QPCT: variants seen among roughly 807,000 people sequenced by gnomAD.
QPCT encodes glutaminyl-peptide cyclotransferase.
QPCT carries 44 observed loss-of-function variants against 43.4 expected under a neutral mutation model. The observed-to-expected ratio is 1.01, with a 90% CI of 0.80 to 1.30. QPCT has a LOEUF of 1.30. QPCT is among the 50% of genes most tolerant of loss of function. QPCT has a pLI of 0.00. For synonymous variants in QPCT, 168 were observed against 168.4 expected, an observed-to-expected ratio of 1.00 and a Z score of 0.02; for missense variants, 526 against 436.5, an observed-to-expected ratio of 1.21 and a Z score of -1.83.
chr2:37,364,735 G>T (rs999450596), intron 3 of QPCT, among the ~76,000 whole-genome samples: 2 of 152,134 alleles, frequency 1.3e-5, no homozygotes, highest in Admixed American at 6.5e-5. Context: ...ATTTCCGGGG[G>T]AACCTCAGGA....
intron 2 of QPCT, 150 bp downstream of exon 2, chr2:37,353,085 T>C (rs1479411941): frequency 5.6e-6 from 5 of 887,806 alleles, no homozygotes; most frequent in Non-Finnish European, 8.3e-6. Context: ...ATCAAATGAC[T>C]GAGAGTACAT....
At chr2:37,368,547 A>T (rs941449859) in intron 4 of QPCT, 1 of 470,524 alleles carries the variant, frequency 2.1e-6, no homozygotes. Flanking sequence ...TTCGCCCTAT[A>T]AAAGTACAAA....
intron 2 of QPCT, among the ~76,000 whole-genome samples, 183 bp from the exon 3 acceptor site, chr2:37,359,397 C>A (rs193201679): frequency 8.3e-4 from 127 of 152,228 alleles, no homozygotes; most frequent in African/African-American, 3.0e-3. Flanking sequence ...TTAAACAGGA[C>A]AAATGCTATT....
At position 37,371,258 on chromosome 2, in the gene QPCT, C is replaced by G. The variant is rs535143874; in HGVS notation, c.824-1098C>G. 1.5e-3 allele frequency among the ~76,000 whole-genome samples: 224 copies of G among 151,698 alleles called. 2 individuals are homozygous for G. Among genetic ancestry groups the G allele is most frequent in the African/African-American group, 5.2e-3 (214 of 41,376 alleles). On this transcript the variant is annotated intron_variant, in intron 5 of 6. Transcript: ENST00000338415. ...AGGATTTTGTGCACTTTTATTATGTCCTGTACCAGAATGAACTTATGCCAA... is the reference window on the plus strand; with the variant it reads ...AGGATTTTGTGCACTTTTATTATGTGCTGTACCAGAATGAACTTATGCCAA...
intron 5 of QPCT, among the ~76,000 whole-genome samples, chr2:37,370,360 C>T (rs1673050478): frequency 6.7e-6 from 1 of 148,450 alleles, no homozygotes; most frequent in Non-Finnish European, 1.5e-5. Context: ...TACTACATTT[C>T]ATGTTTGCAC....
intron 3 of QPCT, 156 bp from the exon 4 acceptor site, chr2:37,367,076 G>A (rs1035699711): frequency 1.4e-6 from 1 of 713,392 alleles, no homozygotes; most frequent in Non-Finnish European, 2.3e-6. Context: ...TTTTGAAGAG[G>A]AAGTGGTGTG....
rs562257644 is a variant in QPCT at position 37,353,353 on chromosome 2, G to A, written c.267+418G>A. 2.6e-4 allele frequency among the ~76,000 whole-genome samples: 39 copies of A among 152,300 alleles called. 1 individual carries two copies. In the South Asian group the frequency reaches 7.9e-3, roughly 31 times the overall value. On this transcript the variant is annotated intron_variant, in intron 2 of 6. Transcript: ENST00000338415. ...AGGGAAATTGTATTTTCCCTGGAGG[G>A]AGAGTTAAGGCTGGTGATAAGCTAG... is the stretch of plus-strand genomic sequence containing the variant.
At chr2:37,369,650 G>A in intron 4 of QPCT, 35 bp from the exon 5 acceptor site, 1 of 1,451,936 alleles carries the variant, frequency 6.9e-7, no homozygotes, top group South Asian at 1.1e-5. Context: ...ACACGTTTTG[G>A]TGATGGTGAT....
In QPCT at chr2:37,373,054, C is replaced by T. The variant is rs1030003156; in HGVS notation, c.*227C>T. 5.6e-6 allele frequency: 2 copies of T among 355,384 alleles called. No homozygotes were observed. The highest frequency in any genetic ancestry group is 2.1e-5 in the African/African-American group (1 of 47,360). The allele number at this position is 355,384 out of a possible 1,614,324, so 22.0% of individuals were successfully genotyped here. On this transcript the variant is annotated 3_prime_UTR_variant, in exon 7 of 7. Coordinates refer to ENST00000338415, the MANE Select transcript of QPCT (RefSeq NM_012413.4). ...TATTTACAGATTGAAAAAGAGGGACCGTGTAAAGAAAATGGAAAATAAATA... is the reference window on the plus strand; with the variant it reads ...TATTTACAGATTGAAAAAGAGGGACTGTGTAAAGAAAATGGAAAATAAATA...
chr2:37,372,934 C>G lies in QPCT; in HGVS notation c.*107C>G. ...CAAATGCTGTGTGGAAACATCTATC[C>G]TATAGATCATCCTATTCTTATGTGT... On this transcript the variant is annotated 3_prime_UTR_variant, in exon 7 of 7. Transcript: ENST00000338415. 8.5e-6 allele frequency: 8 copies of G among 944,396 alleles called. No homozygotes were observed. The highest frequency in any genetic ancestry group is 1.1e-5 in the Non-Finnish European group (7 of 649,512). 58.5% of individuals were successfully genotyped at this position (944,396 alleles called of 1,614,324 possible). A position where few individuals can be genotyped will look rare whatever the true frequency, so the allele number is the denominator to read the frequency against.
chr2:37,354,342 A>G (rs1374302032), intron 2 of QPCT, among the ~76,000 whole-genome samples: 1 of 152,248 alleles, frequency 6.6e-6, no homozygotes, highest in African/African-American at 2.4e-5. Context: ...AGGCAGAGTG[A>G]AGAATAATAG....
rs1673097681 is a variant in QPCT, at chr2:37,372,416, A to G, written c.884A>G (p.Gln295Arg). Reference sequence around the variant, plus strand: ...CACTCTTTGGAGGGGCGGTATTTCCAGAATTACAGTTATGGAGGTGTGATT... The same window carrying G: ...CACTCTTTGGAGGGGCGGTATTTCCGGAATTACAGTTATGGAGGTGTGATT... ...KDHSLEGRYF[Q>R]NYSYGGVIQD... Residue 295 changes from glutamine to arginine, a missense_variant, in exon 6 of 7, where the codon CAG becomes CGG. Physicochemically the swap from Gln to Arg is conservative, Grantham distance 43. Coordinates refer to ENST00000338415, the MANE Select transcript of QPCT (RefSeq NM_012413.4). The G allele has an allele frequency of 1.4e-5, 22 of 1,614,164 alleles. No homozygotes were observed. The highest frequency in any genetic ancestry group is 1.8e-5 in the Non-Finnish European group (21 of 1,180,008).
chr2:37,366,653 A>G (rs1672968551), intron 3 of QPCT, among the ~76,000 whole-genome samples: 1 of 152,216 alleles, frequency 6.6e-6, no homozygotes, highest in Admixed American at 6.5e-5. Context: ...CTTATTAGGG[A>G]GTGGCCTTGG....
At chr2:37,370,942 C>A (rs1673060480) in intron 5 of QPCT, among the ~76,000 whole-genome samples, 1 of 152,168 alleles carries the variant, frequency 6.6e-6, no homozygotes, top group Non-Finnish European at 1.5e-5. Context: ...GCTAGAAATT[C>A]CTTACTAGCC....
chr2:37,346,000 G>T lies in QPCT; in HGVS notation c.120+1149G>T, dbSNP rs73928024. Among the ~76,000 whole-genome samples the T allele has an allele frequency of 1.9e-3, 296 of 152,314 alleles. 1 individual carries two copies. Among genetic ancestry groups the T allele is most frequent in the African/African-American group, 6.7e-3 (279 of 41,552 alleles). On this transcript the variant is annotated intron_variant, in intron 1 of 6. Transcript: ENST00000338415. ...GTATGTTATAGAGATATTAAGAAAA[G>T]CAGCAAAGTGAAGCGATATAAACTT... is the stretch of plus-strand genomic sequence containing the variant.
chr2:37,360,982 ACTC>A (rs1254982898), intron 3 of QPCT, among the ~76,000 whole-genome samples: 1 of 151,940 alleles, frequency 6.6e-6, no homozygotes, highest in Admixed American at 6.6e-5. Context: ...CTCTGAGTGA[ACTC>A]CTTTGCTTTT....
intron 1 of QPCT, among the ~76,000 whole-genome samples, chr2:37,349,841 A>T (rs1397316945): frequency 2.0e-5 from 3 of 152,064 alleles, no homozygotes; most frequent in Non-Finnish European, 4.4e-5. Context: ...AAAAATGCCC[A>T]TGTTACTTTA....
At chr2:37,361,149 G>A (rs1237312420) in intron 3 of QPCT, among the ~76,000 whole-genome samples, 1 of 152,092 alleles carries the variant, frequency 6.6e-6, no homozygotes, top group Admixed American at 6.6e-5. Flanking sequence ...TGAGGTGGGG[G>A]ATTTTTTTTA....
intron 1 of QPCT, among the ~76,000 whole-genome samples, chr2:37,348,281 C>T (rs919932625): frequency 6.6e-6 from 1 of 152,126 alleles, no homozygotes; most frequent in African/African-American, 2.4e-5. Context: ...AGCTAATAAG[C>T]GAGGGAGCTG....
Sources: allele counts gnomAD v4.1 joint callset (sites outside exome capture counted in the v4.1 genomes callset), GRCh38; gene constraint gnomAD v4.1.1; transcripts MANE v1.5; gene names NCBI Gene and HGNC (gene_info 2026-07-23, HGNC 2026-07-21).